The following CD38 variants were observed in gnomAD, a reference collection of about 807,000 sequenced individuals.
CD38 encodes ADP-ribosyl cyclase/cyclic ADP-ribose hydrolase 1.
A neutral mutation model predicts 36.3 loss-of-function variants in CD38; 31 were observed. That is an observed-to-expected ratio of 0.85 (90% CI 0.64 to 1.15). The LOEUF (loss-of-function observed/expected upper bound fraction) is 1.15. CD38 is among the 50% of genes most tolerant of loss of function. The probability of loss-of-function intolerance (pLI) is 0.00; values close to 1 mark genes in which losing one functional copy is unlikely to be tolerated. For synonymous variants in CD38, 131 were observed against 135.2 expected (o/e 0.97, Z 0.22); for missense variants, 380 against 371.9 (o/e 1.02, Z -0.18).
At chr4:15,806,955 G>C (rs1454100911) in intron 1 of CD38, among the ~76,000 whole-genome samples, 5 of 152,168 alleles carry the variant, frequency 3.3e-5, no homozygotes, top group Admixed American at 2.6e-4. Flanking sequence ...GATTATGGCA[G>C]TCCAATTGTC....
In CD38 at chr4:15,790,735, G is replaced by A. The variant is rs1346372123; in HGVS notation, c.233+12088G>A. 4.0e-5 allele frequency among the ~76,000 whole-genome samples: 6 copies of A among 150,506 alleles called. No homozygotes were observed. The East Asian group carries it at 5.9e-4, about 15-fold the overall frequency. On this transcript the variant is annotated intron_variant, in intron 1 of 7. Coordinates refer to ENST00000226279, the MANE Select transcript of CD38 (RefSeq NM_001775.4). ...CCATCCCATCTAGGAGGCGAGGAGC[G>A]CCTCTTCCCCGCCGCCATCCCATCT...
In CD38 at chr4:15,835,363, C is replaced by CTTT. The variant is rs35143834; in HGVS notation, c.585+1091_585+1093dup. 6.1e-4 allele frequency among the ~76,000 whole-genome samples: 35 copies of CTTT among 57,716 alleles called. 1 individual carries two copies. Among genetic ancestry groups the CTTT allele is most frequent in the Admixed American group, 9.5e-4 (3 of 3,146 alleles). 37.9% of individuals were successfully genotyped at this position (57,716 alleles called of 152,430 possible). A position where few individuals can be genotyped will look rare whatever the true frequency, so the allele number is the denominator to read the frequency against. On this transcript the variant is annotated intron_variant, in intron 4 of 7. Coordinates refer to ENST00000226279, the MANE Select transcript of CD38 (RefSeq NM_001775.4). ...CATGTTGCTGCAAATGACAGGAATACTTTTTTTTTTTTTTTTTTTTTTTTT... is the reference window on the plus strand; with the variant it reads ...CATGTTGCTGCAAATGACAGGAATACTTTTTTTTTTTTTTTTTTTTTTTTTTTT...
intron 1 of CD38, among the ~76,000 whole-genome samples, chr4:15,802,429 A>C (rs1217307931): frequency 1.3e-5 from 2 of 152,098 alleles, no homozygotes; most frequent in Non-Finnish European, 2.9e-5. Flanking sequence ...CAGAAATGGA[A>C]AAAAAGATTC....
rs1273347760 is a variant in CD38, at chr4:15,778,473, G to A, written c.59G>A (p.Arg20Lys). Residue 20 changes from arginine to lysine, a missense_variant, in exon 1 of 8, where the codon AGG becomes AAG. Transcript: ENST00000226279. The surrounding 1 kb of genome is among the most constrained non-coding windows in gnomAD (Gnocchi z 4.9). ...SGDKPCCRLS[R>K]RAQLCLGVSI... ...GACAAACCCTGCTGCCGGCTCTCTAGGAGAGCCCAACTCTGTCTTGGCGTC... is the reference window on the plus strand; with the variant it reads ...GACAAACCCTGCTGCCGGCTCTCTAAGAGAGCCCAACTCTGTCTTGGCGTC... 6.2e-7 allele frequency: 1 copy of A among 1,613,834 alleles called. No homozygotes were observed. The highest frequency in any genetic ancestry group is 1.3e-5 in the African/African-American group (1 of 75,004).
chr4:15,835,777 T>G (rs144894172), intron 4 of CD38, among the ~76,000 whole-genome samples: 8,942 of 152,198 alleles, frequency 0.059, 360 homozygotes, highest in East Asian at 0.18. Flanking sequence ...CTCCCAAAGT[T>G]CTGGGATTAC....
intron 1 of CD38, among the ~76,000 whole-genome samples, chr4:15,799,418 C>T (rs1458373811): frequency 6.6e-6 from 1 of 152,082 alleles, no homozygotes; most frequent in East Asian, 1.9e-4. Context: ...CTTTGATATC[C>T]AATAGAACAT....
At chr4:15,798,039 A>C (rs1723138344) in intron 1 of CD38, among the ~76,000 whole-genome samples, 1 of 152,180 alleles carries the variant, frequency 6.6e-6, no homozygotes. Flanking sequence ...TCAACTGAAA[A>C]GGTTTAAAAT....
At chr4:15,791,068 G>A (rs1295416925) in intron 1 of CD38, among the ~76,000 whole-genome samples, 5 of 129,682 alleles carry the variant, frequency 3.9e-5, no homozygotes, top group African/African-American at 9.9e-5. Context: ...CCCCCCGCCC[G>A]GCCAGCTGCC....
At chr4:15,817,697 A>G (rs115981602) in intron 2 of CD38, among the ~76,000 whole-genome samples, 8 of 152,306 alleles carry the variant, frequency 5.3e-5, no homozygotes, top group South Asian at 2.1e-4. Flanking sequence ...CTGGGCTTCA[A>G]TAAGGGCTGG....
rs542463675 is a variant in CD38 at position 15,851,276 on chromosome 4, C to T, written c.*2674C>T. On this transcript the variant is annotated 3_prime_UTR_variant, in exon 8 of 8. Coordinates refer to ENST00000226279, the MANE Select transcript of CD38 (RefSeq NM_001775.4). ...ATCTCTGGCCCGAAGGACTTTCTGA[C>T]CTACATGTATAAATACCCCCTCACA... The T allele has an allele frequency of 6.6e-6, 1 of 152,190 alleles. No individual in the cohort carries two copies. Among genetic ancestry groups the T allele is most frequent in the Non-Finnish European group, 1.5e-5 (1 of 68,038 alleles). The allele number at this position is 152,190 out of a possible 1,614,324, so 9.4% of individuals were successfully genotyped here.
chr4:15,780,532 A>ACACACACACACACACACACACACG lies in CD38; in HGVS notation c.233+1908_233+1909insGCACACACACACACACACACACAC, dbSNP rs1560303826. 4.4e-4 allele frequency among the ~76,000 whole-genome samples: 64 copies of ACACACACACACACACACACACACG among 145,734 alleles called. 1 individual carries two copies. The highest frequency in any genetic ancestry group is 1.5e-3 in the African/African-American group (59 of 38,222). ...TATTCTCTCTCTCACACACACACACACACACACACACACACACACACACAC... is the reference window on the plus strand; with the variant it reads ...TATTCTCTCTCTCACACACACACACACACACACACACACACACACACACGCACACACACACACACACACACACAC... On this transcript the variant is annotated intron_variant, in intron 1 of 7. Coordinates refer to ENST00000226279, the MANE Select transcript of CD38 (RefSeq NM_001775.4).
Position 15,848,949 on chromosome 4 carries a change from A to T in CD38, c.*347A>T, listed in dbSNP as rs889898594. 1 of 174,066 alleles carries T rather than the reference A, an allele frequency of 5.7e-6. No individual in the cohort carries two copies. The highest frequency in any genetic ancestry group is 1.2e-5 in the Non-Finnish European group (1 of 82,288). 10.8% of individuals were successfully genotyped at this position (174,066 alleles called of 1,614,324 possible). A position where few individuals can be genotyped will look rare whatever the true frequency, so the allele number is the denominator to read the frequency against. Reference sequence around the variant, plus strand: ...CACCACACCAAACCTCTCTTATTAGAACAGGCAAGTGAAGAAAAGTGAATG... The same window carrying T: ...CACCACACCAAACCTCTCTTATTAGTACAGGCAAGTGAAGAAAAGTGAATG... On this transcript the variant is annotated 3_prime_UTR_variant, in exon 8 of 8. Coordinates refer to ENST00000226279, the MANE Select transcript of CD38 (RefSeq NM_001775.4).
intron 1 of CD38, among the ~76,000 whole-genome samples, chr4:15,803,800 T>G (rs374428545): frequency 1.3e-5 from 2 of 152,098 alleles, no homozygotes; most frequent in African/African-American, 2.4e-5. Context: ...CCTTCCTTCC[T>G]CCTTCCCTCC....
chr4:15,831,839 C>T (rs1026780757), intron 3 of CD38, among the ~76,000 whole-genome samples: 1 of 152,082 alleles, frequency 6.6e-6, no homozygotes, highest in Non-Finnish European at 1.5e-5. Context: ...TCTAGGTTTG[C>T]AAAGTTCTCT....
intron 1 of CD38, among the ~76,000 whole-genome samples, chr4:15,791,098 C>A (rs1177747714): frequency 8.1e-6 from 1 of 123,406 alleles, no homozygotes; most frequent in African/African-American, 3.6e-5. Context: ...AGGTGAGGGG[C>A]TCCTCTGCCC....
intron 1 of CD38, among the ~76,000 whole-genome samples, chr4:15,784,031 G>GA (rs1722755693): frequency 6.6e-6 from 1 of 152,172 alleles, no homozygotes; most frequent in South Asian, 2.1e-4. Flanking sequence ...GCAGTGGGAG[G>GA]TATGCGGAGG....
rs115329768 is a variant in CD38, at chr4:15,839,281, G to A, written c.660-745G>A. ...TCAGAGACTAACAGGGAAGAGTTTA[G>A]GAATGGGATTAGGGCAGGCAACCAT... On this transcript the variant is annotated intron_variant, in intron 5 of 7. Coordinates refer to ENST00000226279, the MANE Select transcript of CD38 (RefSeq NM_001775.4). Among the ~76,000 whole-genome samples, 515 of 152,194 alleles carry A rather than the reference G, an allele frequency of 3.4e-3. 5 individuals carry two copies. Among genetic ancestry groups the A allele is most frequent in the African/African-American group, 0.012 (493 of 41,506 alleles).
At chr4:15,796,374 C>G (rs375416464) in intron 1 of CD38, among the ~76,000 whole-genome samples, 2 of 152,160 alleles carry the variant, frequency 1.3e-5, no homozygotes, top group Non-Finnish European at 1.5e-5. Flanking sequence ...CTTGAGGGAA[C>G]TCCTTTTCTT....
rs185581180 is a variant in CD38, at chr4:15,816,814, G to A, written c.363+174G>A. 569 of 675,674 alleles carry A rather than the reference G, an allele frequency of 8.4e-4. 2 individuals are homozygous for A. Among genetic ancestry groups the A allele is most frequent in the Non-Finnish European group, 1.3e-3 (502 of 383,372 alleles). The allele number at this position is 675,674 out of a possible 1,614,324, so 41.9% of individuals were successfully genotyped here. On this transcript the variant is annotated intron_variant, in intron 2 of 7. Coordinates refer to ENST00000226279, the MANE Select transcript of CD38 (RefSeq NM_001775.4). ...CATTGAGGGGCCATGATATAATTAA[G>A]ATTTAGGACATCTGGAGAAGGGAGC...
Sources: gnomAD v4.1 joint callset for allele counts (sites outside exome capture counted in the v4.1 genomes callset) on GRCh38, gnomAD v4.1.1 for gene constraint, Gnocchi (gnomAD v3.1) non-coding constraint, MANE v1.5 for transcripts, NCBI Gene and HGNC (gene_info 2026-07-23, HGNC 2026-07-21) for gene names.